LEF1: variants seen among roughly 807,000 people sequenced by gnomAD.
LEF1 encodes lymphoid enhancer-binding factor 1.
LEF1 carries 14 observed loss-of-function variants against 51.2 expected under a neutral mutation model. The ratio of observed to expected loss-of-function variants is 0.27; its 90% CI spans 0.18 to 0.43. The LOEUF (loss-of-function observed/expected upper bound fraction) is 0.43. Ranked by LOEUF, LEF1 falls within the 20% of genes least tolerant of loss-of-function variation. LEF1 has a pLI of 1.00. For synonymous variants in LEF1, 185 were observed against 183.2 expected, an observed-to-expected ratio of 1.01 and a Z score of -0.08; for missense variants, 386 against 512.0, an observed-to-expected ratio of 0.75 and a Z score of 2.37.
chr4:108,096,405 T>C (rs1050242212), intron 3 of LEF1, among the ~76,000 whole-genome samples: 4 of 152,186 alleles, frequency 2.6e-5, no homozygotes, highest in African/African-American at 9.6e-5. Flanking sequence ...GGTTCATCTT[T>C]TCTGGATCAC....
In LEF1 at chr4:108,081,440, T is replaced by G. The variant is rs1578319533; in HGVS notation, c.722+146A>C. 6.2e-6 allele frequency: 4 copies of G among 642,320 alleles called. No individual in the cohort carries two copies. In the East Asian group the frequency reaches 1.1e-4, roughly 18 times the overall value. The allele number at this position is 642,320 out of a possible 1,614,324, so 39.8% of individuals were successfully genotyped here. ...ACCCGGGACTCTCTCTGACACCTAG[T>G]GTGGGAGCCAGGCACACTGCACAGA... On this transcript the variant is annotated intron_variant, in intron 6 of 11. Transcript: ENST00000265165.
At chr4:108,135,720 G>A (rs1039425036) in intron 3 of LEF1, among the ~76,000 whole-genome samples, 2 of 152,154 alleles carry the variant, frequency 1.3e-5, no homozygotes, top group Admixed American at 6.5e-5. Flanking sequence ...GCCTGCCAGC[G>A]GGGGAGTTGT....
intron 11 of LEF1, among the ~76,000 whole-genome samples, chr4:108,061,890 A>G (rs1179963037): frequency 2.0e-5 from 3 of 152,218 alleles, no homozygotes; most frequent in Non-Finnish European, 4.4e-5. Flanking sequence ...GCCACTCAGT[A>G]TTAGTTTAGA....
At chr4:108,107,748 T>A (rs183881280) in intron 3 of LEF1, among the ~76,000 whole-genome samples, 239 of 152,224 alleles carry the variant, frequency 1.6e-3, no homozygotes, top group Non-Finnish European at 2.5e-3. Flanking sequence ...TTGACTATCA[T>A]GGAGTCTAAC....
Position 108,048,703 on chromosome 4 carries a change from G to A in LEF1, c.*55C>T, listed in dbSNP as rs781388644. 3.6e-5 allele frequency: 58 copies of A among 1,610,248 alleles called. No individual in the cohort carries two copies. The highest frequency in any genetic ancestry group is 1.1e-5 in the Non-Finnish European group (13 of 1,177,992). ...AGCTTCCATCTCCAGAAGAGGTCCT[G>A]GGGTCGCTGCCTTGGCTTTGCACGT... On this transcript the variant is annotated 3_prime_UTR_variant, in exon 12 of 12. Coordinates refer to ENST00000265165, the MANE Select transcript of LEF1 (RefSeq NM_016269.5).
At chr4:108,085,898 C>G (rs972820694) in intron 4 of LEF1, among the ~76,000 whole-genome samples, 21 of 152,164 alleles carry the variant, frequency 1.4e-4, no homozygotes, top group African/African-American at 5.1e-4. Flanking sequence ...TTATATACTG[C>G]TTGGAGAAAA....
At chr4:108,127,832 G>A (rs559743121) in intron 3 of LEF1, among the ~76,000 whole-genome samples, 1 of 152,108 alleles carries the variant, frequency 6.6e-6, no homozygotes, top group East Asian at 1.9e-4. Context: ...AGATCTGAAG[G>A]GTTTGGGACT....
chr4:108,108,368 T>C (rs1741305244), intron 3 of LEF1, among the ~76,000 whole-genome samples: 1 of 152,164 alleles, frequency 6.6e-6, no homozygotes, highest in South Asian at 2.1e-4. Flanking sequence ...TACTTTCAGC[T>C]TCTTCTAGAT....
At chr4:108,150,017 C>CTTCT (rs1296864954) in intron 3 of LEF1, among the ~76,000 whole-genome samples, 1 of 151,568 alleles carries the variant, frequency 6.6e-6, no homozygotes, top group Non-Finnish European at 1.5e-5. Flanking sequence ...CTAATGTCTC[C>CTTCT]TTAGAAAGAA....
At chr4:108,069,257 T>G (rs547800089) in intron 9 of LEF1, among the ~76,000 whole-genome samples, 56 of 152,346 alleles carry the variant, frequency 3.7e-4, no homozygotes, top group Non-Finnish European at 6.8e-4. Flanking sequence ...TGTTTATAAC[T>G]CACCATGTCC....
intron 3 of LEF1, among the ~76,000 whole-genome samples, chr4:108,111,843 C>T (rs1429369777): frequency 1.3e-5 from 2 of 152,188 alleles, no homozygotes; most frequent in African/African-American, 2.4e-5. Flanking sequence ...AGCTTGGGAG[C>T]TCCAGTGAGC....
chr4:108,056,502 T>C (rs1157346682), intron 11 of LEF1, among the ~76,000 whole-genome samples: 1 of 152,198 alleles, frequency 6.6e-6, no homozygotes, highest in Admixed American at 6.5e-5. Context: ...ATGGCCAGGA[T>C]GTGAAAAACT....
chr4:108,105,173 A>G (rs1260708310), intron 3 of LEF1, among the ~76,000 whole-genome samples: 2 of 146,670 alleles, frequency 1.4e-5, no homozygotes, highest in Non-Finnish European at 3.0e-5. Context: ...AATTGCATGA[A>G]GAATCCACTT....
chr4:108,104,719 G>A (rs1741047349), intron 3 of LEF1: 2 of 982,186 alleles, frequency 2.0e-6, no homozygotes, highest in African/African-American at 3.5e-5. Context: ...TCAATTCCTG[G>A]GCCTATCTCC....
rs183847560 is a variant in LEF1 at position 108,091,223 on chromosome 4, G to A, written c.415-1966C>T. Among the ~76,000 whole-genome samples the A allele has an allele frequency of 1.8e-3, 267 of 152,120 alleles. 1 individual carries two copies. Among genetic ancestry groups the A allele is most frequent in the Admixed American group, 6.7e-3 (102 of 15,276 alleles). On this transcript the variant is annotated intron_variant, in intron 3 of 11. Coordinates refer to ENST00000265165, the MANE Select transcript of LEF1 (RefSeq NM_016269.5). ...TAAAATGTAAGTCCATATCTGAATG[G>A]TTAAAGAGGGCCCCCAAAACACACT...
chr4:108,152,179 C>G (rs1276362512), intron 3 of LEF1, among the ~76,000 whole-genome samples: 1 of 152,146 alleles, frequency 6.6e-6, no homozygotes, highest in Non-Finnish European at 1.5e-5. Context: ...GCAGCACTTA[C>G]CCCAGACCTT....
rs1193402077 is a variant in LEF1 at position 108,167,143 on chromosome 4, C to T, written c.213+412G>A. Among the ~76,000 whole-genome samples the T allele has an allele frequency of 6.6e-6, 1 of 152,160 alleles. No homozygotes were observed. Among genetic ancestry groups the T allele is most frequent in the Non-Finnish European group, 1.5e-5 (1 of 68,024 alleles). ...TGCAGAGACATCTACCAAGAGATAG[C>T]GTGTGCACTTTGTTTTCCGTCCCAC... is the stretch of plus-strand genomic sequence containing the variant. On this transcript the variant is annotated intron_variant, in intron 1 of 11. Transcript: ENST00000265165. This position sits in a 1 kb window ranked among gnomAD's most constrained non-coding sequence, Gnocchi z 5.7.
At chr4:108,124,692 T>C (rs759522837) in intron 3 of LEF1, among the ~76,000 whole-genome samples, 1 of 152,072 alleles carries the variant, frequency 6.6e-6, no homozygotes, top group African/African-American at 2.4e-5. Context: ...TAGCGAAACA[T>C]CCAAGTAGGA....
intron 11 of LEF1, among the ~76,000 whole-genome samples, chr4:108,061,999 C>G (rs542663368): frequency 4.6e-5 from 7 of 152,242 alleles, no homozygotes; most frequent in Non-Finnish European, 8.8e-5. Context: ...GGGCAATTGA[C>G]TTAGGTCTCA....
Sources: gnomAD v4.1 joint callset for allele counts (sites outside exome capture counted in the v4.1 genomes callset) on GRCh38, gnomAD v4.1.1 for gene constraint, Gnocchi (gnomAD v3.1) non-coding constraint, MANE v1.5 for transcripts, NCBI Gene and HGNC (gene_info 2026-07-23, HGNC 2026-07-21) for gene names.